The following POLR2F variants were observed in gnomAD, a reference collection of about 807,000 sequenced individuals.
POLR2F encodes the protein DNA-directed RNA polymerases I, II, and III subunit RPABC2.
Under a neutral mutation model 22.7 loss-of-function variants are expected in POLR2F, and 12 were observed. That is an observed-to-expected ratio of 0.53 (90% CI 0.34 to 0.86). The LOEUF (loss-of-function observed/expected upper bound fraction) is 0.86. POLR2F is among the 40% of genes least tolerant of loss of function. The probability of loss-of-function intolerance (pLI) is 0.02; values close to 1 mark genes in which losing one functional copy is unlikely to be tolerated. For synonymous variants in POLR2F, 57 were observed against 66.0 expected, an observed-to-expected ratio of 0.86 and a Z score of 0.66; for missense variants, 126 against 171.5, an observed-to-expected ratio of 0.73 and a Z score of 1.48.
At position 37,968,531 on chromosome 22, in the gene POLR2F, A is replaced by C; in HGVS notation, c.*816A>C. On this transcript the variant is annotated 3_prime_UTR_variant, in exon 5 of 5. Transcript: ENST00000442738. ...CTCCTGGGTTCCAGGTGTTACATTA[A>C]GTCAGAGCTGGAGTTCCCCCTTCCT... is the stretch of plus-strand genomic sequence containing the variant. The C allele has an allele frequency of 1.0e-6, 1 of 985,752 alleles. No homozygotes were observed. The highest frequency in any genetic ancestry group is 1.2e-6 in the Non-Finnish European group (1 of 830,186). The allele number at this position is 985,752 out of a possible 1,614,324, so 61.1% of individuals were successfully genotyped here. A position where few individuals can be genotyped will look rare whatever the true frequency, so the allele number is the denominator to read the frequency against.
intron 1 of POLR2F, among the ~76,000 whole-genome samples, chr22:37,999,372 C>T (rs1380240853): frequency 3.3e-5 from 5 of 152,152 alleles, no homozygotes; most frequent in Non-Finnish European, 5.9e-5. Flanking sequence ...ACAGGGGGCT[C>T]AGCCTTCCTC....
intron 4 of POLR2F, chr22:37,977,813 C>T (rs1932267128): frequency 6.4e-7 from 1 of 1,563,840 alleles, no homozygotes; most frequent in Non-Finnish European, 8.7e-7. Context: ...CCAGCCATCT[C>T]CTGTCTCCAC....
At chr22:38,035,720 G>A (rs1403346301) in intron 5 of POLR2F, among the ~76,000 whole-genome samples, 2 of 152,160 alleles carry the variant, frequency 1.3e-5, no homozygotes, top group African/African-American at 4.8e-5. Flanking sequence ...GGCACCCGCC[G>A]GGCCACTGGG....
rs1454676106 is a variant in POLR2F at position 37,968,828 on chromosome 22, T to TG, written c.*1116dup. On this transcript the variant is annotated 3_prime_UTR_variant, in exon 5 of 5. Transcript: ENST00000442738. ...GCCTAGGTGCAGCCTGGCCCTGGGA[T>TG]GGGATGTGGGGAGTGAATGGTGAGG... The TG allele has an allele frequency of 1.0e-6, 1 of 985,324 alleles. No homozygotes were observed. The highest frequency in any genetic ancestry group is 1.2e-6 in the Non-Finnish European group (1 of 829,978). The allele number at this position is 985,324 out of a possible 1,614,324, so 61.0% of individuals were successfully genotyped here. A position where few individuals can be genotyped will look rare whatever the true frequency, so the allele number is the denominator to read the frequency against.
At chr22:37,995,053 G>GGAGGAGCTGCTTCC (rs2084700492) in intron 1 of POLR2F, among the ~76,000 whole-genome samples, 1 of 152,204 alleles carries the variant, frequency 6.6e-6, no homozygotes, top group Non-Finnish European at 1.5e-5. Flanking sequence ...AGGTGCAATG[G>GGAGGAGCTGCTTCC]GAGGAGCTGC....
At chr22:38,001,299 G>A (rs1463968745) in intron 1 of POLR2F, among the ~76,000 whole-genome samples, 2 of 152,226 alleles carry the variant, frequency 1.3e-5, no homozygotes, top group Non-Finnish European at 2.9e-5. Flanking sequence ...TGGACACCCA[G>A]TGTGTTGTGA....
At chr22:38,000,497 C>T (rs1214993998) in intron 1 of POLR2F, among the ~76,000 whole-genome samples, 2 of 152,170 alleles carry the variant, frequency 1.3e-5, no homozygotes, top group Non-Finnish European at 2.9e-5. Flanking sequence ...CTTTTGCAAA[C>T]TAAAGTGCTT....
chr22:38,028,172 TGAGA>T (rs757982488), downstream of POLR2F, among the ~76,000 whole-genome samples: 1 of 152,038 alleles, frequency 6.6e-6, no homozygotes, highest in African/African-American at 2.4e-5. Context: ...CTTGTGTGCA[TGAGA>T]GAGAGAGACT....
chr22:37,963,827 C>T (rs971896786), intron 3 of POLR2F, among the ~76,000 whole-genome samples: 1 of 152,164 alleles, frequency 6.6e-6, no homozygotes, highest in African/African-American at 2.4e-5. Context: ...CCCAGCCGGG[C>T]GCGGTGGCTC....
rs1328153043 is a variant in POLR2F, at chr22:37,997,065, C to T, written c.120+10753C>T. ...GCCAGCTGGGACACAGGTGGCAGGCCAGCTGGGACACAGGTGGCAGGCCGT... is the reference window on the plus strand; with the variant it reads ...GCCAGCTGGGACACAGGTGGCAGGCTAGCTGGGACACAGGTGGCAGGCCGT... On this transcript the variant is annotated intron_variant, in intron 1 of 2. Transcript: ENST00000333418. The surrounding 1 kb of genome is among the most constrained non-coding windows in gnomAD (Gnocchi z 4.4). Among the ~76,000 whole-genome samples, 1 of 152,096 alleles carries T rather than the reference C, an allele frequency of 6.6e-6. No homozygotes were observed. Among genetic ancestry groups the T allele is most frequent in the Non-Finnish European group, 1.5e-5 (1 of 67,996 alleles).
At chr22:38,019,359 G>T (rs2145818631) in intron 1 of POLR2F, among the ~76,000 whole-genome samples, 1 of 152,280 alleles carries the variant, frequency 6.6e-6, no homozygotes, top group African/African-American at 2.4e-5. Flanking sequence ...GCAACCATCA[G>T]CTGAGAGCCC....
rs139893 is a variant in POLR2F at position 37,997,601 on chromosome 22, G to A, written c.120+11289G>A. On this transcript the variant is annotated intron_variant, in intron 1 of 2. Transcript: ENST00000333418. The surrounding 1 kb of genome is among the most constrained non-coding windows in gnomAD (Gnocchi z 4.4). Reference sequence around the variant, plus strand: ...TGGGGAGAGCTGACAAGTTAGAGAAGCCAAGGCTTGTGGCAACCTGCAGTC... The same window carrying A: ...TGGGGAGAGCTGACAAGTTAGAGAAACCAAGGCTTGTGGCAACCTGCAGTC... 0.68 allele frequency among the ~76,000 whole-genome samples: 102,638 copies of A among 151,944 alleles called. 35,254 individuals are homozygous for A. Among genetic ancestry groups the A allele is most frequent in the African/African-American group, 0.8 (33,280 of 41,460 alleles).
At chr22:37,984,590 G>A (rs1168493710), upstream of POLR2F, 3 of 152,510 alleles carry the variant, frequency 2.0e-5, no homozygotes, top group Non-Finnish European at 4.4e-5. The surrounding 1 kb of genome is among the most constrained non-coding windows in gnomAD (Gnocchi z 4.4). Flanking sequence ...GGGGAAGGAA[G>A]GAGGGGGAGA....
chr22:37,987,186 G>A (rs1384809863), intron 1 of POLR2F: 3 of 456,664 alleles, frequency 6.6e-6, no homozygotes, highest in Admixed American at 4.7e-5. Flanking sequence ...GGGGTCTGCG[G>A]TCTGAGTGTA....
At chr22:37,973,664 T>G (rs773597882), downstream of POLR2F, 1 of 1,613,612 alleles carries the variant, frequency 6.2e-7, no homozygotes, top group Non-Finnish European at 8.5e-7. Context: ...GTGGCCATAA[T>G]AGGGTCCTGA....
chr22:37,973,454 G>C (rs1345365040), downstream of POLR2F: 1 of 1,332,994 alleles, frequency 7.5e-7, no homozygotes, highest in Non-Finnish European at 1.0e-6. Context: ...CACAGGCTGG[G>C]GGCAGGGGCT....
chr22:37,993,008 A>G (rs1932753426), intron 1 of POLR2F, among the ~76,000 whole-genome samples: 1 of 152,166 alleles, frequency 6.6e-6, no homozygotes, highest in South Asian at 2.1e-4. Flanking sequence ...GTTCATTCAT[A>G]CATGTCTAGA....
chr22:37,976,779 T>A (rs1028157467), intron 4 of POLR2F, among the ~76,000 whole-genome samples: 9 of 152,206 alleles, frequency 5.9e-5, no homozygotes, highest in African/African-American at 2.2e-4. Flanking sequence ...CCTAGCACAG[T>A]GCCTGGAACA....
Position 37,986,982 on chromosome 22 carries a change from C to A in POLR2F, c.120+670C>A. 2.2e-6 allele frequency: 1 copy of A among 453,236 alleles called. No individual in the cohort carries two copies. Among genetic ancestry groups the A allele is most frequent in the African/African-American group, 2.0e-5 (1 of 50,074 alleles). 28.1% of individuals were successfully genotyped at this position (453,236 alleles called of 1,614,324 possible). A position where few individuals can be genotyped will look rare whatever the true frequency, so the allele number is the denominator to read the frequency against. ...GCCAGTGTCACCTTCTCCTCCTTTC[C>A]CTGCTGGGGGTGGCAGGGGTCCCTT... On this transcript the variant is annotated intron_variant, in intron 1 of 2. Coordinates refer to the POLR2F transcript ENST00000333418. The surrounding 1 kb of genome is among the most constrained non-coding windows in gnomAD (Gnocchi z 4.7).
Sources: allele counts gnomAD v4.1 joint callset (sites outside exome capture counted in the v4.1 genomes callset), GRCh38; gene constraint gnomAD v4.1.1; non-coding constraint Gnocchi (gnomAD v3.1); transcripts MANE v1.5; gene names NCBI Gene and HGNC (gene_info 2026-07-23, HGNC 2026-07-21).